The following AHCY variants were observed in gnomAD, a reference collection of about 807,000 sequenced individuals.
AHCY encodes the protein S-adenosyl-L-homocysteine hydrolase.
In AHCY, 24 loss-of-function variants were observed where a neutral mutation model predicts 45.4. The observed-to-expected ratio is 0.53, with a 90% CI of 0.38 to 0.74. The LOEUF (loss-of-function observed/expected upper bound fraction) is 0.74, where lower values mean the gene tolerates loss of function less well. Among genes scored for constraint, AHCY ranks in the 30% least tolerant of loss-of-function variants. AHCY has a pLI of 0.00. For missense variants in AHCY, 449 were observed against 594.1 expected, an observed-to-expected ratio of 0.76 and a Z score of 2.54; for synonymous variants, 245 against 235.1, an observed-to-expected ratio of 1.04 and a Z score of -0.39.
upstream of AHCY, among the ~76,000 whole-genome samples, chr20:34,306,543 A>G (rs369639533): frequency 6.6e-6 from 1 of 151,888 alleles, no homozygotes; most frequent in East Asian, 1.9e-4. Flanking sequence ...TAATTTTTGT[A>G]TTTTTAATAG....
At chr20:34,233,134 G>A in the AHCY span, among the ~76,000 whole-genome samples, 1 of 148,442 alleles carries the variant, frequency 6.7e-6, no homozygotes, top group Non-Finnish European at 1.5e-5. Flanking sequence ...ACTGTGAATG[G>A]GACAAGAGCT....
At chr20:34,258,852 TA>T in the AHCY span, among the ~76,000 whole-genome samples, 6 of 118,904 alleles carry the variant, frequency 5.0e-5, no homozygotes, top group South Asian at 2.4e-4. Flanking sequence ...AGTGTATATA[TA>T]ATATATGATA....
the AHCY span, among the ~76,000 whole-genome samples, chr20:34,248,004 G>A: frequency 6.6e-6 from 1 of 152,128 alleles, no homozygotes; most frequent in African/African-American, 2.4e-5. Flanking sequence ...TCAAGAGTTC[G>A]AGACCAGCCT....
downstream of AHCY, among the ~76,000 whole-genome samples, chr20:34,277,489 C>T (rs1422481731): frequency 1.3e-5 from 2 of 152,104 alleles, no homozygotes; most frequent in Non-Finnish European, 1.5e-5. Context: ...GCATAAAGGC[C>T]GGGCACAGTG....
chr20:34,308,465 G>T (rs1444104471), intron 1 of AHCY, among the ~76,000 whole-genome samples: 3 of 152,128 alleles, frequency 2.0e-5, no homozygotes, highest in African/African-American at 7.2e-5. Flanking sequence ...CAGGACAGTT[G>T]CTTGAATCTG....
chr20:34,260,420 T>C, the AHCY span: 1 of 1,614,150 alleles, frequency 6.2e-7, no homozygotes. Flanking sequence ...GGTCTTCCTC[T>C]GCTTCTTCAC....
chr20:34,246,383 T>A, the AHCY span: 2 of 1,421,988 alleles, frequency 1.4e-6, no homozygotes, highest in Non-Finnish European at 1.9e-6. Context: ...TAACCATTGT[T>A]TACAATGAGC....
chr20:34,298,441 G>A (rs987429795), intron 1 of AHCY, among the ~76,000 whole-genome samples: 1 of 152,074 alleles, frequency 6.6e-6, no homozygotes, highest in Non-Finnish European at 1.5e-5. Context: ...ACAAGAGTGC[G>A]AGCCTTCTGT....
the AHCY span, among the ~76,000 whole-genome samples, chr20:34,273,380 T>C: frequency 6.6e-6 from 1 of 152,242 alleles, no homozygotes; most frequent in Non-Finnish European, 1.5e-5. Context: ...CTTTTCACTT[T>C]GTAAACATGG....
chr20:34,234,096 A>T, the AHCY span, among the ~76,000 whole-genome samples: 2 of 152,174 alleles, frequency 1.3e-5, no homozygotes, highest in Admixed American at 1.3e-4. Context: ...GTTATGATGG[A>T]TCTAAGTGGC....
chr20:34,268,855 G>T, the AHCY span: 1 of 1,039,182 alleles, frequency 9.6e-7, no homozygotes, highest in Non-Finnish European at 1.4e-6. Context: ...CTGGGGGAGC[G>T]GGCGGTGGGC....
At chr20:34,277,821 G>A (rs892886010), downstream of AHCY, among the ~76,000 whole-genome samples, 6 of 150,852 alleles carry the variant, frequency 4.0e-5, no homozygotes, top group South Asian at 2.1e-4. Flanking sequence ...TCATTCGAGC[G>A]TCAAGACAGC....
chr20:34,302,491 G>A, intron 1 of AHCY: 1 of 621,502 alleles, frequency 1.6e-6, no homozygotes, highest in Non-Finnish European at 2.0e-6. Flanking sequence ...AGTTACCTCT[G>A]CCTCAGGATT....
the AHCY span, among the ~76,000 whole-genome samples, chr20:34,248,121 G>A: frequency 3.9e-5 from 6 of 151,964 alleles, no homozygotes; most frequent in Admixed American, 1.3e-4. Flanking sequence ...CAGAAGAATC[G>A]CTTGAACCCG....
chr20:34,235,870 G>A, the AHCY span, among the ~76,000 whole-genome samples: 4,737 of 26,750 alleles, frequency 0.18, 308 homozygotes, highest in East Asian at 0.25. Flanking sequence ...GGAAGGAAAG[G>A]AAGGAAGGAA....
At position 34,290,949 on chromosome 20, in the gene AHCY, A is replaced by AGG. The variant is rs1471258151; in HGVS notation, c.559-13_559-12dup. The AGG allele has an allele frequency of 3.1e-6, 5 of 1,613,660 alleles. No individual in the cohort carries two copies. The African/African-American group carries it at 6.7e-5, about 22-fold the overall frequency. On this transcript the variant is annotated splice_polypyrimidine_tract_variant and intron_variant, in intron 5 of 9. Coordinates refer to ENST00000217426, the MANE Select transcript of AHCY (RefSeq NM_000687.4). This position sits in a 1 kb window ranked among gnomAD's most constrained non-coding sequence, Gnocchi z 4.5. ...GTTGTCAAACTTGCTCTGAAAGGAAAGGGGGTAAGGAGACAATAGGGGCAG... is the reference window on the plus strand; with the variant it reads ...GTTGTCAAACTTGCTCTGAAAGGAAAGGGGGGGTAAGGAGACAATAGGGGCAG...
the AHCY span, among the ~76,000 whole-genome samples, chr20:34,268,549 C>A: frequency 5.3e-5 from 8 of 151,888 alleles, no homozygotes; most frequent in African/African-American, 1.9e-4. Flanking sequence ...AAGTGAGACC[C>A]CGTCTATAAA....
At chr20:34,246,396 C>T in the AHCY span, 5 of 1,386,642 alleles carry the variant, frequency 3.6e-6, no homozygotes, top group African/African-American at 1.4e-5. Context: ...CAATGAGCAA[C>T]ATCAGGCATA....
At chr20:34,241,663 A>C in the AHCY span, among the ~76,000 whole-genome samples, 1 of 152,174 alleles carries the variant, frequency 6.6e-6, no homozygotes, top group Non-Finnish European at 1.5e-5. Flanking sequence ...AAAGCAGTTG[A>C]TCTTTTGCTA....
Sources: gnomAD v4.1 joint callset for allele counts (sites outside exome capture counted in the v4.1 genomes callset) on GRCh38, gnomAD v4.1.1 for gene constraint, Gnocchi (gnomAD v3.1) non-coding constraint, MANE v1.5 for transcripts, NCBI Gene and HGNC (gene_info 2026-07-23, HGNC 2026-07-21) for gene names.